SUGCT: variants seen among roughly 807,000 people sequenced by gnomAD.
The protein encoded by SUGCT is succinyl-CoA:glutarate CoA-transferase.
Under a neutral mutation model 55.0 loss-of-function variants are expected in SUGCT, and 41 were observed. The observed-to-expected ratio is 0.74, with a 90% CI of 0.58 to 0.97. The LOEUF (loss-of-function observed/expected upper bound fraction) is 0.97. Ranked by LOEUF, SUGCT falls within the 50% of genes least tolerant of loss-of-function variation. The pLI, the probability that SUGCT is intolerant of heterozygous loss-of-function variation, is 0.00. For synonymous variants in SUGCT, 187 were observed against 200.4 expected (o/e 0.93, Z 0.56); for missense variants, 568 against 547.8 (o/e 1.04, Z -0.37).
the SUGCT span, among the ~76,000 whole-genome samples, chr7:40,890,088 T>C: frequency 2.0e-5 from 3 of 151,512 alleles, no homozygotes; most frequent in African/African-American, 7.3e-5. Flanking sequence ...GAATAAAAGT[T>C]CTGTGTGGGT....
chr7:40,580,145 C>T (rs538832210), intron 12 of SUGCT, among the ~76,000 whole-genome samples: 12 of 152,162 alleles, frequency 7.9e-5, no homozygotes, highest in Non-Finnish European at 1.3e-4. Context: ...AAGAGAAATC[C>T]ATTACGTGAG....
the SUGCT span, chr7:40,965,169 C>T: frequency 1.3e-5 from 2 of 152,212 alleles, no homozygotes; most frequent in Non-Finnish European, 2.9e-5. Context: ...CCCCACCAGC[C>T]TGATTTGCTT....
At chr7:40,733,465 C>T (rs985122071) in intron 12 of SUGCT, among the ~76,000 whole-genome samples, 2 of 152,202 alleles carry the variant, frequency 1.3e-5, no homozygotes, top group African/African-American at 2.4e-5. Flanking sequence ...CCCATCCACA[C>T]AAATTCCCAG....
intron 12 of SUGCT, among the ~76,000 whole-genome samples, chr7:40,552,671 C>T (rs894366581): frequency 1.3e-5 from 2 of 152,160 alleles, no homozygotes; most frequent in Non-Finnish European, 2.9e-5. Context: ...TGGGTGACAT[C>T]TTCCATCACA....
chr7:40,307,320 A>T (rs977196354), intron 8 of SUGCT, among the ~76,000 whole-genome samples: 2 of 152,206 alleles, frequency 1.3e-5, no homozygotes, highest in Non-Finnish European at 2.9e-5. Flanking sequence ...TCAAATTTAT[A>T]TGTAGAGGTT....
At chr7:40,875,422 G>T in the SUGCT span, among the ~76,000 whole-genome samples, 1 of 152,160 alleles carries the variant, frequency 6.6e-6, no homozygotes, top group Non-Finnish European at 1.5e-5. Flanking sequence ...GCACCCAGTT[G>T]TTCAGTCCTA....
chr7:40,423,244 C>T (rs1787407862), intron 9 of SUGCT, among the ~76,000 whole-genome samples: 1 of 152,082 alleles, frequency 6.6e-6, no homozygotes, highest in East Asian at 1.9e-4. Flanking sequence ...TTTAGGAACC[C>T]ACCCTTTTAG....
intron 8 of SUGCT, among the ~76,000 whole-genome samples, chr7:40,308,790 A>G (rs1214747871): frequency 6.6e-6 from 1 of 152,178 alleles, no homozygotes; most frequent in Non-Finnish European, 1.5e-5. Flanking sequence ...CAGGTGGATC[A>G]CTTGAGGTCA....
chr7:40,808,812 C>G (rs182477288), intron 13 of SUGCT, among the ~76,000 whole-genome samples: 117 of 152,256 alleles, frequency 7.7e-4, no homozygotes, highest in African/African-American at 2.7e-3. Context: ...CAGAGTTAGG[C>G]AGAAGAGGAA....
At chr7:40,541,917 T>C (rs563707286) in intron 12 of SUGCT, among the ~76,000 whole-genome samples, 3 of 152,254 alleles carry the variant, frequency 2.0e-5, no homozygotes, top group Middle Eastern at 3.4e-3. Context: ...GAGGTGTATC[T>C]TGAAGAATGG....
intron 12 of SUGCT, among the ~76,000 whole-genome samples, chr7:40,600,740 A>G (rs1042506463): frequency 2.1e-5 from 3 of 142,988 alleles, no homozygotes; most frequent in East Asian, 4.0e-4. Flanking sequence ...TTTTTTTTTT[A>G]ATAAGACTTG....
chr7:40,701,751 A>C (rs566130204), intron 12 of SUGCT, among the ~76,000 whole-genome samples: 1 of 152,146 alleles, frequency 6.6e-6, no homozygotes. Flanking sequence ...GCCATCCCCA[A>C]TTGCTAAACT....
At chr7:40,591,884 TAAC>T (rs1192721814) in intron 12 of SUGCT, among the ~76,000 whole-genome samples, 1 of 152,214 alleles carries the variant, frequency 6.6e-6, no homozygotes, top group Non-Finnish European at 1.5e-5. Flanking sequence ...AGTGTAAACA[TAAC>T]TATTATATGC....
intron 12 of SUGCT, among the ~76,000 whole-genome samples, chr7:40,529,760 G>T (rs1793987690): frequency 6.6e-6 from 1 of 151,922 alleles, no homozygotes; most frequent in African/African-American, 2.4e-5. Flanking sequence ...TTATTAGGTT[G>T]GTGCAAAAGG....
chr7:40,966,736 T>C, the SUGCT span: 1 of 152,190 alleles, frequency 6.6e-6, no homozygotes, highest in Non-Finnish European at 1.5e-5. Flanking sequence ...GGTTAAGCAC[T>C]CCGTTAATGC....
intron 12 of SUGCT, among the ~76,000 whole-genome samples, chr7:40,656,275 A>G (rs1201714157): frequency 1.3e-5 from 2 of 151,362 alleles, no homozygotes; most frequent in African/African-American, 4.9e-5. Context: ...GAACACCGAG[A>G]TTTGACCCTA....
intron 12 of SUGCT, among the ~76,000 whole-genome samples, chr7:40,717,696 T>A (rs1478566741): frequency 6.6e-6 from 1 of 152,220 alleles, no homozygotes; most frequent in Non-Finnish European, 1.5e-5. Flanking sequence ...TTATAGCATA[T>A]CTATGTCAGG....
chr7:40,496,409 C>A, intron 12 of SUGCT, 23 bp downstream of exon 12: 1 of 1,499,434 alleles, frequency 6.7e-7, no homozygotes, highest in Non-Finnish European at 9.3e-7. Flanking sequence ...AGTTTAACAA[C>A]GCCTCTGTTT....
At chr7:40,153,887 G>T in intron 1 of SUGCT, 1 of 374,802 alleles carries the variant, frequency 2.7e-6, no homozygotes, top group South Asian at 2.5e-5. Flanking sequence ...AAAAAGATGG[G>T]ATCCAAGAAG....
Sources: allele counts gnomAD v4.1 joint callset (sites outside exome capture counted in the v4.1 genomes callset), GRCh38; gene constraint gnomAD v4.1.1; transcripts MANE v1.5; gene names NCBI Gene and HGNC (gene_info 2026-07-23, HGNC 2026-07-21).